Variants in COL22A1 observed in about 807,000 individuals in gnomAD.
COL22A1 encodes collagen type XXII alpha 1 chain, also known as collagen alpha-1(XXII) chain.
COL22A1 carries 221 observed loss-of-function variants against 248.9 expected under a neutral mutation model. That is an observed-to-expected ratio of 0.89 (90% confidence interval 0.80 to 0.99). The LOEUF (loss-of-function observed/expected upper bound fraction) is 0.99, where lower values mean the gene tolerates loss of function less well. COL22A1 is among the 50% of genes least tolerant of loss of function. The pLI, the probability that COL22A1 is intolerant of heterozygous loss-of-function variation, is 0.00. For missense variants in COL22A1, 2,240 were observed against 2,179.0 expected (o/e 1.03, Z -0.56); for synonymous variants, 891 against 793.4 (o/e 1.12, Z -2.07).
At position 138,874,123 on chromosome 8, in the gene COL22A1, T is replaced by C. The variant is rs192216433; in HGVS notation, c.658+3627A>G. 6.0e-3 allele frequency among the ~76,000 whole-genome samples: 920 copies of C among 152,342 alleles called. 1 individual carries two copies. Among genetic ancestry groups the C allele is most frequent in the Non-Finnish European group, 0.01 (685 of 68,028 alleles). ...TTATTTTGTTTTGCTTTGTTTCTAA[T>C]TGAAGCAATTGTAAGGGGATTTCAT... On this transcript the variant is annotated intron_variant, in intron 3 of 64. Transcript: ENST00000303045.
intron 23 of COL22A1, among the ~76,000 whole-genome samples, chr8:138,730,591 A>G (rs1830639771): frequency 6.6e-6 from 1 of 152,176 alleles, no homozygotes; most frequent in Admixed American, 6.5e-5. Context: ...TTCTAAAAAT[A>G]TATAGTAGGT....
intron 63 of COL22A1, among the ~76,000 whole-genome samples, chr8:138,592,864 AT>A (rs1012062742): frequency 6.6e-6 from 1 of 152,218 alleles, no homozygotes; most frequent in African/African-American, 2.4e-5. Context: ...AATAGATAAA[AT>A]ATTTTTTAAA....
chr8:138,819,455 A>G (rs1044622059), intron 7 of COL22A1, among the ~76,000 whole-genome samples: 3 of 152,028 alleles, frequency 2.0e-5, no homozygotes, highest in Admixed American at 2.0e-4. Context: ...TAATCAGGCA[A>G]ATGCAGATGA....
intron 2 of COL22A1, among the ~76,000 whole-genome samples, chr8:138,879,036 GTTTTAA>G (rs1381339353): frequency 6.6e-6 from 1 of 152,056 alleles, no homozygotes; most frequent in Non-Finnish European, 1.5e-5. Context: ...GTGTTTAGAT[GTTTTAA>G]ATGCCCATAT....
At chr8:138,621,584 ACTG>A (rs1247064559) in intron 52 of COL22A1, among the ~76,000 whole-genome samples, 2 of 152,214 alleles carry the variant, frequency 1.3e-5, no homozygotes, top group African/African-American at 4.8e-5. Flanking sequence ...AGGTCAATGC[ACTG>A]CTCTGCAGCA....
intron 1 of COL22A1, among the ~76,000 whole-genome samples, chr8:138,908,143 A>G (rs1282265605): frequency 6.6e-6 from 1 of 152,202 alleles, no homozygotes; most frequent in Non-Finnish European, 1.5e-5. Context: ...GGCAAAATAA[A>G]ATATGACAGT....
At chr8:138,637,528 T>C (rs1252140366) in intron 47 of COL22A1, among the ~76,000 whole-genome samples, 2 of 152,136 alleles carry the variant, frequency 1.3e-5, no homozygotes, top group African/African-American at 2.4e-5. Flanking sequence ...AAATAACAAA[T>C]GGGAAACACT....
Position 138,755,474 on chromosome 8 carries a change from C to T in COL22A1, c.1977+8G>A, listed in dbSNP as rs1832921878. On this transcript the variant is annotated splice_region_variant and intron_variant, in intron 20 of 64. Transcript: ENST00000303045. ...TCCCCATGAGAAGAAGACGCGTGTG[C>T]CTCTTACCTGTTCCCCTTTCAAGCC... is the stretch of plus-strand genomic sequence containing the variant. 2.5e-6 allele frequency: 4 copies of T among 1,613,390 alleles called. No homozygotes were observed. Among genetic ancestry groups the T allele is most frequent in the Non-Finnish European group, 3.4e-6 (4 of 1,179,324 alleles).
At position 138,878,155 on chromosome 8, in the gene COL22A1, G is replaced by A. The variant is rs139591204; in HGVS notation, c.253C>T (p.Arg85Trp). Reference protein sequence around the residue: ...TRVGVVRYSDRPTTAFELGLF... With the variant: ...TRVGVVRYSDWPTTAFELGLF... ...CCCAACTCGAAGGCCGTGGTGGGCC[G>A]GTCGCTGTAGCGCACGACCCCCACA... The change falls in exon 3 of 65, where the codon CGG (arginine) becomes TGG (tryptophan). Residue 85 changes from arginine (R) to tryptophan (W), a missense_variant. Arg to Trp is a moderately radical substitution (Grantham distance 101). Transcript: ENST00000303045. The A allele has an allele frequency of 1.9e-5, 31 of 1,605,110 alleles. No homozygotes were observed. In the Middle Eastern group the frequency reaches 5.0e-4, roughly 26 times the overall value.
intron 53 of COL22A1, among the ~76,000 whole-genome samples, chr8:138,618,055 T>A (rs528171188): frequency 6.6e-6 from 1 of 152,264 alleles, no homozygotes; most frequent in East Asian, 1.9e-4. Flanking sequence ...CATCTAATCA[T>A]GACAAAAGCA....
In COL22A1 at chr8:138,690,815, A is replaced by T. The variant is rs372285338; in HGVS notation, c.2808+6T>A. 1 of 1,607,652 alleles carries T rather than the reference A, an allele frequency of 6.2e-7. No homozygotes were observed. ...GCCGTGCGTATGCCCTCTCCCAATT[A>T]CTCACCACACTTCCTGGAGGGCCAC... On this transcript the variant is annotated splice_donor_region_variant and intron_variant, in intron 36 of 64. Transcript: ENST00000303045.
chr8:138,672,408 T>C (rs1275573778), intron 41 of COL22A1, among the ~76,000 whole-genome samples: 1 of 152,182 alleles, frequency 6.6e-6, no homozygotes, highest in African/African-American at 2.4e-5. Context: ...ATTAATATAT[T>C]ATTCCTTGGA....
At chr8:138,715,568 TTAA>T (rs143920292) in intron 30 of COL22A1, 111 bp downstream of exon 30, 82,342 of 424,882 alleles carry the variant, frequency 0.19, 3,875 homozygotes, top group African/African-American at 0.25. Flanking sequence ...GACTCTCATT[TTAA>T]AAAAAAAAAA....
At chr8:138,875,998 T>TGAAGG (rs1370791513) in intron 3 of COL22A1, among the ~76,000 whole-genome samples, 2 of 152,164 alleles carry the variant, frequency 1.3e-5, no homozygotes, top group Non-Finnish European at 2.9e-5. Context: ...AGCAGTCTTG[T>TGAAGG]GAAGGACCTC....
chr8:138,747,077 G>GC (rs1205363166), intron 22 of COL22A1, among the ~76,000 whole-genome samples: 1 of 152,194 alleles, frequency 6.6e-6, no homozygotes, highest in Non-Finnish European at 1.5e-5. Context: ...ATAGATTTAG[G>GC]TAAAATAATG....
intron 50 of COL22A1, among the ~76,000 whole-genome samples, chr8:138,628,105 G>C (rs1265986722): frequency 6.6e-6 from 1 of 152,056 alleles, no homozygotes; most frequent in Non-Finnish European, 1.5e-5. Flanking sequence ...AACAAAAACT[G>C]ATCAGTGGAT....
At chr8:138,597,003 TC>T in intron 61 of COL22A1, 33 bp from the exon 62 acceptor site, 1 of 1,590,048 alleles carries the variant, frequency 6.3e-7, no homozygotes, top group Non-Finnish European at 8.6e-7. Flanking sequence ...TCATTCATCT[TC>T]CCAGTAACTT....
At chr8:138,869,779 C>T (rs1823178403) in intron 3 of COL22A1, among the ~76,000 whole-genome samples, 1 of 152,226 alleles carries the variant, frequency 6.6e-6, no homozygotes, top group South Asian at 2.1e-4. Context: ...CCTGGGCTGA[C>T]TTGGTCCCAA....
At chr8:138,692,615 C>G (rs1329548158) in intron 35 of COL22A1, among the ~76,000 whole-genome samples, 1 of 151,930 alleles carries the variant, frequency 6.6e-6, no homozygotes, top group Non-Finnish European at 1.5e-5. Flanking sequence ...CCAGGTGGGT[C>G]AACTCTATAG....
Sources: gnomAD v4.1 joint callset for allele counts (sites outside exome capture counted in the v4.1 genomes callset) on GRCh38, gnomAD v4.1.1 for gene constraint, MANE v1.5 for transcripts, NCBI Gene and HGNC (gene_info 2026-07-23, HGNC 2026-07-21) for gene names.